CNTNAP2: variants seen among roughly 807,000 people sequenced by gnomAD.
CNTNAP2 encodes the protein contactin-associated protein-like 2.
CNTNAP2 carries 98 observed loss-of-function variants against 155.2 expected under a neutral mutation model. The ratio of observed to expected loss-of-function variants is 0.63; its 90% CI spans 0.54 to 0.75. The LOEUF (loss-of-function observed/expected upper bound fraction) is 0.75, where lower values mean the gene tolerates loss of function less well. CNTNAP2 is among the 30% of genes least tolerant of loss of function. The pLI is 0.00. For synonymous variants in CNTNAP2, 651 were observed against 631.2 expected (o/e 1.03, Z -0.47); for missense variants, 1,727 against 1,688.1 (o/e 1.02, Z -0.40).
Position 147,588,725 on chromosome 7 carries a change from C to T in CNTNAP2, c.1897+26468C>T, listed in dbSNP as rs1219153737. On this transcript the variant is annotated intron_variant, in intron 12 of 23. Coordinates refer to ENST00000361727, the MANE Select transcript of CNTNAP2 (RefSeq NM_014141.6). Reference sequence around the variant, plus strand: ...TGCCAAAAGAGAGGCATCTAAGCCTCTTCAGGCAACTGACATTTATAGGAA... The same window carrying T: ...TGCCAAAAGAGAGGCATCTAAGCCTTTTCAGGCAACTGACATTTATAGGAA... 2.0e-5 allele frequency among the ~76,000 whole-genome samples: 3 copies of T among 152,164 alleles called. No individual in the cohort carries two copies. The East Asian group carries it at 5.8e-4, about 29-fold the overall frequency.
In CNTNAP2 at chr7:147,979,012, C is replaced by A. The variant is rs11972849; in HGVS notation, c.2383+1023C>A. Reference sequence around the variant, plus strand: ...GGAATATTATTACCACTTTGTAAATCAAGGGAGAATTAGACCTACTTGATA... The same window carrying A: ...GGAATATTATTACCACTTTGTAAATAAAGGGAGAATTAGACCTACTTGATA... On this transcript the variant is annotated intron_variant, in intron 15 of 23. Coordinates refer to ENST00000361727, the MANE Select transcript of CNTNAP2 (RefSeq NM_014141.6). Among the ~76,000 whole-genome samples, 440 of 152,266 alleles carry A rather than the reference C, an allele frequency of 2.9e-3. 3 individuals carry two copies. The highest frequency in any genetic ancestry group is 0.01 in the African/African-American group (421 of 41,552).
At chr7:146,314,273 T>C (rs1416357615) in intron 1 of CNTNAP2, among the ~76,000 whole-genome samples, 2 of 152,180 alleles carry the variant, frequency 1.3e-5, no homozygotes, top group African/African-American at 4.8e-5. Flanking sequence ...CTAAGTTTTG[T>C]GTTTGTCCAG....
At chr7:146,954,910 C>T (rs1183326869) in intron 3 of CNTNAP2, among the ~76,000 whole-genome samples, 1 of 151,798 alleles carries the variant, frequency 6.6e-6, no homozygotes, top group East Asian at 1.9e-4. Context: ...TTGTAATATG[C>T]CCTTTGTCTT....
intron 15 of CNTNAP2, among the ~76,000 whole-genome samples, chr7:148,036,760 G>A (rs532558624): frequency 1.9e-4 from 29 of 152,124 alleles, no homozygotes; most frequent in Middle Eastern, 3.4e-3. Context: ...CTAGAATTCT[G>A]ATTCCTAATT....
intron 1 of CNTNAP2, among the ~76,000 whole-genome samples, chr7:146,520,952 T>C (rs865918037): frequency 2.0e-5 from 3 of 151,938 alleles, no homozygotes; most frequent in Non-Finnish European, 4.4e-5. Context: ...TCCATCCTTA[T>C]ATTCCCCAAA....
chr7:146,318,588 ACT>A (rs1800948795), intron 1 of CNTNAP2, among the ~76,000 whole-genome samples: 1 of 152,196 alleles, frequency 6.6e-6, no homozygotes, highest in African/African-American at 2.4e-5. Flanking sequence ...ATTTACAAAC[ACT>A]CTGTGTTTGG....
intron 3 of CNTNAP2, among the ~76,000 whole-genome samples, chr7:147,027,768 G>A (rs559472691): frequency 1.3e-5 from 2 of 152,286 alleles, no homozygotes; most frequent in East Asian, 3.9e-4. Flanking sequence ...TTACTGGAGA[G>A]GCAGGACCTC....
intron 3 of CNTNAP2, among the ~76,000 whole-genome samples, chr7:146,894,217 C>G (rs1295828530): frequency 1.3e-5 from 2 of 152,168 alleles, no homozygotes; most frequent in African/African-American, 2.4e-5. Context: ...TATTCTCTGT[C>G]TCCTATGTTT....
In CNTNAP2 at chr7:146,772,502, C is replaced by CAAA. The variant is rs71165037; in HGVS notation, c.98-1753_98-1751dup. 5.0e-3 allele frequency among the ~76,000 whole-genome samples: 482 copies of CAAA among 96,208 alleles called. 7 individuals are homozygous for CAAA. Among genetic ancestry groups the CAAA allele is most frequent in the African/African-American group, 0.013 (415 of 32,252 alleles). 63.1% of individuals were successfully genotyped at this position (96,208 alleles called of 152,430 possible). A position where few individuals can be genotyped will look rare whatever the true frequency, so the allele number is the denominator to read the frequency against. On this transcript the variant is annotated intron_variant, in intron 1 of 23. Coordinates refer to ENST00000361727, the MANE Select transcript of CNTNAP2 (RefSeq NM_014141.6). ...TGAAACCCCGTCTCTACTGAAAATA[C>CAAA]AAAAAAAAAAAAAAAAAATAGCTGT...
chr7:147,465,076 C>T (rs1370385944), intron 10 of CNTNAP2, among the ~76,000 whole-genome samples: 2 of 152,244 alleles, frequency 1.3e-5, no homozygotes, highest in East Asian at 3.9e-4. Flanking sequence ...ATCACGTTCT[C>T]ATTTATAATT....
At chr7:146,889,025 A>G (rs1170367164) in intron 3 of CNTNAP2, among the ~76,000 whole-genome samples, 1 of 152,022 alleles carries the variant, frequency 6.6e-6, no homozygotes, top group Non-Finnish European at 1.5e-5. Context: ...GCACACACAG[A>G]AAATAATAGA....
intron 1 of CNTNAP2, among the ~76,000 whole-genome samples, chr7:146,252,040 C>T (rs73739599): frequency 0.015 from 2,224 of 152,198 alleles, 61 homozygotes; most frequent in African/African-American, 0.051. Context: ...CTTTTGATTC[C>T]AGGAGCCCAG....
At chr7:146,394,766 A>G (rs1191498951) in intron 1 of CNTNAP2, among the ~76,000 whole-genome samples, 2 of 152,048 alleles carry the variant, frequency 1.3e-5, no homozygotes, top group Non-Finnish European at 2.9e-5. Flanking sequence ...CTTTTTATAG[A>G]TTTGGAGGTA....
chr7:148,080,604 C>CAAAAAAAAAAAAAA (rs199500286), intron 15 of CNTNAP2, among the ~76,000 whole-genome samples: 1 of 69,740 alleles, frequency 1.4e-5, no homozygotes. Context: ...GACTCCATCT[C>CAAAAAAAAAAAAAA]AAAAAAAAAA....
chr7:148,110,355 C>T (rs1042639707), intron 15 of CNTNAP2, among the ~76,000 whole-genome samples: 1 of 151,998 alleles, frequency 6.6e-6, no homozygotes, highest in African/African-American at 2.4e-5. Context: ...CCTCAGCCTG[C>T]ACACGGAAAC....
In CNTNAP2 at chr7:148,305,415, T is replaced by C. The variant is rs77448906; in HGVS notation, c.3475+38289T>C. 5.4e-3 allele frequency among the ~76,000 whole-genome samples: 826 copies of C among 152,262 alleles called. 11 individuals carry two copies. The highest frequency in any genetic ancestry group is 7.9e-3 in the Admixed American group (120 of 15,286). On this transcript the variant is annotated intron_variant, in intron 21 of 23. Transcript: ENST00000361727. ...GCCAATATAAGAGGAACTCACCATTTCATTTTCTTGGAAACTTCTACCCCA... is the reference window on the plus strand; with the variant it reads ...GCCAATATAAGAGGAACTCACCATTCCATTTTCTTGGAAACTTCTACCCCA...
chr7:147,237,049 CTTTTTTTTTTTTTTTTTTTTTTT>C lies in CNTNAP2; in HGVS notation c.1349-63078_1349-63056del, dbSNP rs548220734. Among the ~76,000 whole-genome samples, 122 of 57,480 alleles carry C rather than the reference CTTTTTTTTTTTTTTTTTTTTTTT, an allele frequency of 2.1e-3. 4 individuals carry two copies. Among genetic ancestry groups the C allele is most frequent in the Admixed American group, 4.3e-3 (18 of 4,194 alleles). 37.7% of individuals were successfully genotyped at this position (57,480 alleles called of 152,430 possible). A position where few individuals can be genotyped will look rare whatever the true frequency, so the allele number is the denominator to read the frequency against. Reference sequence around the variant, plus strand: ...CCACTTCCTTTAGCCTTCACCTCCTCTTTTTTTTTTTTTTTTTTTTTTTTTTTTTTTTTTTTGACAGTGTCTTG... The same window carrying C: ...CCACTTCCTTTAGCCTTCACCTCCTCTTTTTTTTTTTTTGACAGTGTCTTG... On this transcript the variant is annotated intron_variant, in intron 8 of 23. Coordinates refer to ENST00000361727, the MANE Select transcript of CNTNAP2 (RefSeq NM_014141.6).
rs922930349 is a variant in CNTNAP2, at chr7:146,148,045, T to C, written c.97+31072T>C. On this transcript the variant is annotated intron_variant, in intron 1 of 23. Transcript: ENST00000361727. ...TATAGGACTGTGCTTTATCAGGAAA[T>C]GGCAGGTTATCTAGTTATATTTTAA... Among the ~76,000 whole-genome samples, 5 of 152,260 alleles carry C rather than the reference T, an allele frequency of 3.3e-5. No homozygotes were observed. In the East Asian group the frequency reaches 7.7e-4, roughly 24 times the overall value.
chr7:146,499,378 A>G (rs575092838), intron 1 of CNTNAP2, among the ~76,000 whole-genome samples: 78 of 152,156 alleles, frequency 5.1e-4, no homozygotes, highest in African/African-American at 1.8e-3. Context: ...ACCGGGTTTC[A>G]CTAATCTATA....
Sources: gnomAD v4.1 joint callset for allele counts (sites outside exome capture counted in the v4.1 genomes callset) on GRCh38, gnomAD v4.1.1 for gene constraint, MANE v1.5 for transcripts, NCBI Gene and HGNC (gene_info 2026-07-23, HGNC 2026-07-21) for gene names.